Variants in CLUH observed in about 807,000 individuals in gnomAD.
The protein encoded by CLUH is CLUH binding protein of NUMT mRNA, also known as clustered mitochondria protein homolog.
A neutral mutation model predicts 139.3 loss-of-function variants in CLUH; 77 were observed. That is an observed-to-expected ratio of 0.55 (90% CI 0.46 to 0.67). The LOEUF is 0.67. Among genes scored for constraint, CLUH ranks in the 30% least tolerant of loss-of-function variants. CLUH has a pLI of 0.00. For missense variants in CLUH, 1,876 were observed against 1,875.8 expected (o/e 1.00, Z 0.00); for synonymous variants, 999 against 801.6 (o/e 1.25, Z -4.16).
In CLUH at chr17:2,693,953, C is replaced by T. The variant is rs746827905; in HGVS notation, c.3178G>A (p.Ala1060Thr). 8 of 1,613,678 alleles carry T rather than the reference C, an allele frequency of 5.0e-6. No homozygotes were observed. Among genetic ancestry groups the T allele is most frequent in the East Asian group, 4.5e-5 (2 of 44,874 alleles). ...AGGCGGGCGAGGAGGCGCAGGCAGG[C>T]GCAGGTCTCCACGTGCATGGCTCCG... is the stretch of plus-strand genomic sequence containing the variant. ...VYGAMHVETC[A>T]CLRLLARLHY... Residue 1060 changes from alanine (A) to threonine (T), a missense_variant, in exon 19 of 26, where the codon GCC becomes ACC. By Grantham distance (58) the Ala-to-Thr change is moderately conservative. This residue lies in a region of CLUH where 1,454 missense variants were observed against 1,384.4 expected (regional missense o/e 1.05). Coordinates refer to ENST00000651024, the MANE Select transcript of CLUH (RefSeq NM_001366661.1).
intron 19 of CLUH, among the ~76,000 whole-genome samples, chr17:2,693,416 A>C (rs952883435): frequency 5.9e-5 from 9 of 151,680 alleles, no homozygotes; most frequent in South Asian, 4.2e-4. Flanking sequence ...AAACAAACAA[A>C]CAACCCACCC....
rs761944297 is a variant in CLUH at position 2,692,044 on chromosome 17, A to G, written c.3614T>C (p.Leu1205Pro). The change falls in exon 23 of 26, where the codon CTG becomes CCG. Residue 1205 changes from leucine (L) to proline (P), a missense_variant. Physicochemically the swap from Leu to Pro is moderately conservative, Grantham distance 98 (BLOSUM62 -3). Around this residue, in one of 3 missense-constraint regions of CLUH, gnomAD observed 1,454 missense variants for 1,384.4 expected, o/e 1.05. Coordinates refer to ENST00000651024, the MANE Select transcript of CLUH (RefSeq NM_001366661.1). ...GGTGTAACCCTCCTTCTCGTGCTGC[A>G]GGGCCGACCGGAACTCAGCTTTGCT... is the stretch of plus-strand genomic sequence containing the variant. Reference protein sequence around the residue: ...YESKAEFRSALQHEKEGYTIY... With the variant: ...YESKAEFRSAPQHEKEGYTIY... The G allele has an allele frequency of 6.3e-7, 1 of 1,596,816 alleles. No homozygotes were observed. Among genetic ancestry groups the G allele is most frequent in the South Asian group, 1.1e-5 (1 of 89,444 alleles).
At chr17:2,694,822 TC>T in intron 16 of CLUH, 34 bp downstream of exon 16, 1 of 1,346,306 alleles carries the variant, frequency 7.4e-7, no homozygotes, top group Non-Finnish European at 1.0e-6. Flanking sequence ...ATCTGCCCAA[TC>T]CCACCCACCC....
intron 1 of CLUH, among the ~76,000 whole-genome samples, chr17:2,709,959 G>GC (rs898526347): frequency 1.4e-4 from 20 of 142,788 alleles, no homozygotes; most frequent in Middle Eastern, 3.5e-3. Flanking sequence ...CCCCGACAGA[G>GC]CCCCCCCACC....
In CLUH at chr17:2,696,144, C is replaced by T. The variant is rs750814852; in HGVS notation, c.2391+15G>A. On this transcript the variant is annotated intron_variant, in intron 13 of 25. Transcript: ENST00000651024. The stretch of plus-strand genomic sequence containing the variant: ...TCCACACAAGCCCCACCCAGCCCCG[C>T]AGCCCCTCCCTCACCAAGCCAGGGA... 4.0e-5 allele frequency: 62 copies of T among 1,549,106 alleles called. No homozygotes were observed. The highest frequency in any genetic ancestry group is 5.3e-5 in the Non-Finnish European group (61 of 1,144,884).
chr17:2,705,904 G>A (rs772263813), intron 1 of CLUH, among the ~76,000 whole-genome samples: 1 of 152,158 alleles, frequency 6.6e-6, no homozygotes, highest in Non-Finnish European at 1.5e-5. Context: ...GCCAAGGATC[G>A]CCTCTCAGTA....
In CLUH at chr17:2,700,477, G is replaced by A. The variant is rs2070137121; in HGVS notation, c.1174-3C>T. On this transcript the variant is annotated splice_polypyrimidine_tract_variant and splice_region_variant and intron_variant, in intron 8 of 25. Transcript: ENST00000651024. The stretch of plus-strand genomic sequence containing the variant: ...AGCTCCTCATTCCAGTCTCGGGTCT[G>A]CAGAGAGATCAGGGAGGGAAAAACG... The A allele has an allele frequency of 6.2e-7, 1 of 1,610,066 alleles. No homozygotes were observed. The highest frequency in any genetic ancestry group is 8.5e-7 in the Non-Finnish European group (1 of 1,178,898).
rs549649510 is a variant in CLUH at position 2,690,766 on chromosome 17, A to G, written c.3875T>C (p.Leu1292Pro). 97 of 1,515,370 alleles carry G rather than the reference A, an allele frequency of 6.4e-5. No individual in the cohort carries two copies. In the South Asian group the frequency reaches 1.2e-3, roughly 18 times the overall value. 93.9% of individuals were successfully genotyped at this position (1,515,370 alleles called of 1,614,324 possible). ...ILFIPLSQKD[L>P]ENLKAEVARR... ...CGCCACCTCGGCTTTCAGATTCTCCAGGTCTTTTTGGCTGAGGATAAGGGT... is the reference window on the plus strand; with the variant it reads ...CGCCACCTCGGCTTTCAGATTCTCCGGGTCTTTTTGGCTGAGGATAAGGGT... Residue 1292 changes from leucine to proline, a missense_variant, in exon 26 of 26, where the codon CTG becomes CCG. Around this residue, in one of 3 missense-constraint regions of CLUH, gnomAD observed 1,454 missense variants for 1,384.4 expected, o/e 1.05. Transcript: ENST00000651024.
chr17:2,691,029 G>A (rs929593875), intron 25 of CLUH, among the ~76,000 whole-genome samples: 42 of 151,976 alleles, frequency 2.8e-4, no homozygotes, highest in South Asian at 2.1e-4. Context: ...GGAGGAAAGC[G>A]GAGTTGGGGG....
At chr17:2,691,972 G>GT in intron 23 of CLUH, 32 bp downstream of exon 23, 1 of 799,558 alleles carries the variant, frequency 1.3e-6, no homozygotes, top group Non-Finnish European at 1.5e-6. Flanking sequence ...CCCCCGCCCC[G>GT]CCCCCGCCCC....
rs953492438 is a variant in CLUH at position 2,704,699 on chromosome 17, G to A, written c.101-135C>T. ...TCGAGAGTCCCAGCCTCACGGTCGC[G>A]CCTCGCCCTCCGTGCACCTGCAGGC... is the stretch of plus-strand genomic sequence containing the variant. On this transcript the variant is annotated intron_variant, in intron 1 of 25. Transcript: ENST00000651024. The surrounding 1 kb of genome is among the most constrained non-coding windows in gnomAD (Gnocchi z 5.7). 8.2e-6 allele frequency: 7 copies of A among 850,848 alleles called. No individual in the cohort carries two copies. The highest frequency in any genetic ancestry group is 5.3e-5 in the East Asian group (2 of 37,408). The allele number at this position is 850,848 out of a possible 1,614,324, so 52.7% of individuals were successfully genotyped here.
Position 2,696,472 on chromosome 17 carries a change from G to A in CLUH, c.2252C>T (p.Ala751Val), listed in dbSNP as rs191289430. Reference protein sequence around the residue: ...CKAVGSISSTAFDIRFNPDIF... With the variant: ...CKAVGSISSTVFDIRFNPDIF... ...GTCAGGATTGAAGCGAATGTCGAAGGCGGTGCTGCTGATGGAGCCGACCGC... is the reference window on the plus strand; with the variant it reads ...GTCAGGATTGAAGCGAATGTCGAAGACGGTGCTGCTGATGGAGCCGACCGC... The change falls in exon 12 of 26, where the codon GCC (alanine) becomes GTC (valine). Residue 751 changes from alanine to valine, a missense_variant. By Grantham distance (64) the Ala-to-Val change is moderately conservative. This residue lies in a region of CLUH where 1,454 missense variants were observed against 1,384.4 expected (regional missense o/e 1.05). Transcript: ENST00000651024. The A allele has an allele frequency of 1.8e-5, 29 of 1,595,886 alleles. No individual in the cohort carries two copies. The Admixed American group carries it at 3.3e-4, about 18-fold the overall frequency.
chr17:2,707,023 C>T lies in CLUH; in HGVS notation c.101-2459G>A, dbSNP rs1315472342. 3.7e-6 allele frequency: 1 copy of T among 273,030 alleles called. No individual in the cohort carries two copies. The highest frequency in any genetic ancestry group is 1.8e-4 in the East Asian group (1 of 5,662). The allele number at this position is 273,030 out of a possible 1,614,324, so 16.9% of individuals were successfully genotyped here. A position where few individuals can be genotyped will look rare whatever the true frequency, so the allele number is the denominator to read the frequency against. On this transcript the variant is annotated intron_variant, in intron 1 of 25. Coordinates refer to ENST00000651024, the MANE Select transcript of CLUH (RefSeq NM_001366661.1). This position sits in a 1 kb window ranked among gnomAD's most constrained non-coding sequence, Gnocchi z 7.4. ...CCTATCCCGTTTCAAAGGAATGCAGCTGGCTCCCAAGGGGCCTCCTCTCCC... is the reference window on the plus strand; with the variant it reads ...CCTATCCCGTTTCAAAGGAATGCAGTTGGCTCCCAAGGGGCCTCCTCTCCC...
intron 9 of CLUH, 30 bp from the exon 10 acceptor site, chr17:2,698,620 A>C: frequency 6.5e-7 from 1 of 1,532,184 alleles, no homozygotes; most frequent in Non-Finnish European, 8.8e-7. Flanking sequence ...GCAGGGTTAG[A>C]GGCCGCGCCC....
chr17:2,697,046 G>A (rs2069976679), intron 10 of CLUH, 104 bp from the exon 11 acceptor site: 5 of 842,720 alleles, frequency 5.9e-6, no homozygotes, highest in Non-Finnish European at 9.1e-6. Flanking sequence ...CGCAGGCATA[G>A]GGCACCTCCT....
At chr17:2,695,151 G>A (rs374093545) in intron 15 of CLUH, 50 bp from the exon 16 acceptor site, 1 of 1,613,536 alleles carries the variant, frequency 6.2e-7, no homozygotes, top group Non-Finnish European at 8.5e-7. Context: ...CCCCACCTCA[G>A]GCTCTTTCCC....
chr17:2,701,733 G>T lies in CLUH; in HGVS notation c.624C>A (p.Ser208Arg), dbSNP rs75023474. Residue 208 changes from serine to arginine, a missense_variant, in exon 5 of 26, where the codon AGC becomes AGA. Coordinates refer to ENST00000651024, the MANE Select transcript of CLUH (RefSeq NM_001366661.1). ...TCTCCAAGCCCTTCTTCCGCTTCCCGCTGTCTGAGGGACCCGAGGCTGGTG... is the reference window on the plus strand; with the variant it reads ...TCTCCAAGCCCTTCTTCCGCTTCCCTCTGTCTGAGGGACCCGAGGCTGGTG... ...SVFTDGDLGD[S>R]GKRKKGLEMD... The T allele has an allele frequency of 2.8e-5, 43 of 1,562,520 alleles. No individual in the cohort carries two copies. The highest frequency in any genetic ancestry group is 1.6e-4 in the Admixed American group (9 of 54,914).
At position 2,692,087 on chromosome 17, in the gene CLUH, C is replaced by T. The variant is rs1476631310; in HGVS notation, c.3571G>A (p.Val1191Ile). ...GCTTTGCTCTCGTAGACTCGGGCGA[C>T]AAGGTGGTGGCTGCCGGGAGGCGCG... ...ALKVALSHHL[V>I]ARVYESKAEF... The change falls in exon 23 of 26, where the codon GTC becomes ATC. Residue 1191 changes from valine to isoleucine, a missense_variant. This residue lies in a region of CLUH where 1,454 missense variants were observed against 1,384.4 expected (regional missense o/e 1.05). Coordinates refer to ENST00000651024, the MANE Select transcript of CLUH (RefSeq NM_001366661.1). 1.0e-5 allele frequency: 16 copies of T among 1,602,496 alleles called. No individual in the cohort carries two copies. The highest frequency in any genetic ancestry group is 2.2e-5 in the East Asian group (1 of 44,496).
chr17:2,693,405 C>G (rs1027143617), intron 19 of CLUH, among the ~76,000 whole-genome samples: 13 of 148,310 alleles, frequency 8.8e-5, no homozygotes, highest in South Asian at 2.1e-4. Flanking sequence ...CAGAAACAAA[C>G]AAACAAACAA....
Sources: gnomAD v4.1 joint callset for allele counts (sites outside exome capture counted in the v4.1 genomes callset) on GRCh38, gnomAD v4.1.1 for gene constraint, gnomAD v4.1.1 regional missense constraint, Gnocchi (gnomAD v3.1) non-coding constraint, MANE v1.5 for transcripts, NCBI Gene and HGNC (gene_info 2026-07-23, HGNC 2026-07-21) for gene names.